Variants in DNAJA4 observed in about 807,000 individuals in gnomAD.
The protein encoded by DNAJA4 is dnaJ homolog subfamily A member 4.
In DNAJA4, 32 loss-of-function variants were observed where a neutral mutation model predicts 39.7. The ratio of observed to expected loss-of-function variants is 0.81; its 90% CI spans 0.61 to 1.08. DNAJA4 has a LOEUF of 1.08. Among genes scored for constraint, DNAJA4 ranks in the 50% least tolerant of loss-of-function variants. The pLI is 0.00. For missense variants in DNAJA4, 439 were observed against 505.1 expected (o/e 0.87, Z 1.25); for synonymous variants, 184 against 182.4 (o/e 1.01, Z -0.07).
chr15:78,275,509 G>A lies in DNAJA4; in HGVS notation c.658G>A (p.Gly220Arg). 1 of 1,613,488 alleles carries A rather than the reference G, an allele frequency of 6.2e-7. No homozygotes were observed. The highest frequency in any genetic ancestry group is 8.5e-7 in the Non-Finnish European group (1 of 1,179,454). The change falls in exon 5 of 7, where the codon GGG becomes AGG. Residue 220 changes from glycine to arginine, a missense_variant. Physicochemically the swap from Gly to Arg is moderately radical, Grantham distance 125 (BLOSUM62 -2). Coordinates refer to ENST00000394852, the MANE Select transcript of DNAJA4 (RefSeq NM_001130182.2). ...EVHVEKGMKD[G>R]QKILFHGEGD... ...ATGATGTTTCATAGGTATGAAAGAT[G>A]GGCAAAAGATACTATTTCATGGAGA...
Position 78,264,664 on chromosome 15 carries a change from G to A in DNAJA4, c.-100G>A. ...CGGCGACCGTGACCGTGACGCGCGA[G>A]CGGGCGGCGGGGGCGCGGGCCAGGG... On this transcript the variant is annotated 5_prime_UTR_variant, in exon 1 of 7. Transcript: ENST00000394852. 1 of 1,015,766 alleles carries A rather than the reference G, an allele frequency of 9.8e-7. No individual in the cohort carries two copies. Among genetic ancestry groups the A allele is most frequent in the Non-Finnish European group, 1.2e-6 (1 of 849,276 alleles). 62.9% of individuals were successfully genotyped at this position (1,015,766 alleles called of 1,614,324 possible).
rs370777948 is a variant in DNAJA4 at position 78,273,120 on chromosome 15, T to C, written c.339T>C (p.Ser113=). The C allele has an allele frequency of 2.7e-5, 44 of 1,602,228 alleles. No individual in the cohort carries two copies. The highest frequency in any genetic ancestry group is 3.7e-5 in the Non-Finnish European group (43 of 1,170,652). The change falls in exon 3 of 7, where the codon TCT becomes TCC. Residue 113 remains serine (S), a synonymous_variant. Coordinates refer to ENST00000394852, the MANE Select transcript of DNAJA4 (RefSeq NM_001130182.2). ...GCAAGAATGTTGTACACCAGTTATC[T>C]GTAACTCTTGAAGATCTATATAATG... ...RRGKNVVHQL[S]VTLEDLYNGV... is the part of the protein sequence containing the mutation.
At chr15:78,274,044 C>A in intron 3 of DNAJA4, among the ~76,000 whole-genome samples, 153 bp from the exon 4 acceptor site, 1 of 152,232 alleles carries the variant, frequency 6.6e-6, no homozygotes, top group African/African-American at 2.4e-5. Context: ...CTGGACTCCT[C>A]CAGACTCTTC....
At chr15:78,270,435 A>T in intron 1 of DNAJA4, 62 bp from the exon 2 acceptor site, 1 of 1,535,008 alleles carries the variant, frequency 6.5e-7, no homozygotes, top group Non-Finnish European at 8.9e-7. Flanking sequence ...TTTATATGGC[A>T]GGTTTGCTTA....
At chr15:78,269,014 G>A (rs1049942068) in intron 1 of DNAJA4, among the ~76,000 whole-genome samples, 13 of 152,212 alleles carry the variant, frequency 8.5e-5, no homozygotes, top group African/African-American at 2.9e-4. Context: ...TCGGGAGGCC[G>A]CACCAGGCTG....
At position 78,280,364 on chromosome 15, in the gene DNAJA4, G is replaced by T; in HGVS notation, c.1098G>T (p.Glu366Asp). The change falls in exon 7 of 7, where the codon GAG becomes GAT. Residue 366 changes from glutamate to aspartate, a missense_variant. Physicochemically the swap from Glu to Asp is conservative, Grantham distance 45. Coordinates refer to ENST00000394852, the MANE Select transcript of DNAJA4 (RefSeq NM_001130182.2). ...ACATGGATCAGGTGGAGCTGAAGGAGTTTTGTCCCAATGAGCAGAACTGGC... is the reference window on the plus strand; with the variant it reads ...ACATGGATCAGGTGGAGCTGAAGGATTTTTGTCCCAATGAGCAGAACTGGC... ...TDDMDQVELKEFCPNEQNWRQ... is the reference protein window; with the variant it reads ...TDDMDQVELKDFCPNEQNWRQ... 6.2e-7 allele frequency: 1 copy of T among 1,614,250 alleles called. No homozygotes were observed. Among genetic ancestry groups the T allele is most frequent in the Non-Finnish European group, 8.5e-7 (1 of 1,180,044 alleles).
Position 78,280,563 on chromosome 15 carries a change from C to A in DNAJA4, c.*103C>A. 2.0e-6 allele frequency: 2 copies of A among 995,116 alleles called. No homozygotes were observed. The highest frequency in any genetic ancestry group is 1.5e-6 in the Non-Finnish European group (1 of 682,280). 61.6% of individuals were successfully genotyped at this position (995,116 alleles called of 1,614,324 possible). A position where few individuals can be genotyped will look rare whatever the true frequency, so the allele number is the denominator to read the frequency against. On this transcript the variant is annotated 3_prime_UTR_variant, in exon 7 of 7. Coordinates refer to ENST00000394852, the MANE Select transcript of DNAJA4 (RefSeq NM_001130182.2). The stretch of plus-strand genomic sequence containing the variant: ...TTAATGGCCTTGTGTTTGGGATGTC[C>A]TGTGTATGTGTTCAGCATTCTTAAT...
chr15:78,269,522 G>C (rs1386556872), intron 1 of DNAJA4, among the ~76,000 whole-genome samples: 1 of 152,100 alleles, frequency 6.6e-6, no homozygotes. Flanking sequence ...ATTACTGTTG[G>C]CTAAAGATTT....
chr15:78,264,254 C>T, upstream of DNAJA4: 5 of 1,178,898 alleles, frequency 4.2e-6, no homozygotes, highest in South Asian at 1.9e-5. Flanking sequence ...GGCCTCGGGG[C>T]GGCGGGACAG....
At chr15:78,265,461 C>T in intron 1 of DNAJA4, 2 of 702,198 alleles carry the variant, frequency 2.8e-6, no homozygotes, top group South Asian at 1.5e-5. Flanking sequence ...GTGAATAATC[C>T]CATTTTCTTT....
rs2049218710 is a variant in DNAJA4 at position 78,268,928 on chromosome 15, T to G, written c.133-1569T>G. ...GGGGCTGGGAGGGTCTGAGGTGGGT[T>G]TGCAGTGTTAAAGCTGGATCACCAG... On this transcript the variant is annotated intron_variant, in intron 1 of 6. Transcript: ENST00000394852. Among the ~76,000 whole-genome samples, 4 of 152,288 alleles carry G rather than the reference T, an allele frequency of 2.6e-5. No homozygotes were observed. The South Asian group carries it at 8.3e-4, about 32-fold the overall frequency.
At chr15:78,272,308 G>T (rs1951796688) in intron 2 of DNAJA4, among the ~76,000 whole-genome samples, 1 of 152,196 alleles carries the variant, frequency 6.6e-6, no homozygotes, top group African/African-American at 2.4e-5. Flanking sequence ...CTGCACTCCA[G>T]CCTGGGGACA....
rs1384589101 is a variant in DNAJA4, at chr15:78,270,575, G to A, written c.211G>A (p.Ala71Thr). Residue 71 changes from alanine to threonine, a missense_variant, in exon 2 of 7, where the codon GCA (alanine) becomes ACA (threonine). By Grantham distance (58) the Ala-to-Thr change is moderately conservative. Transcript: ENST00000394852. ...RDVYDQGGEQ[A>T]IKEGGSGSPS... Reference sequence around the variant, plus strand: ...TGTTTATGACCAAGGCGGAGAGCAGGCAATTAAAGAAGGAGGCTCAGGCAG... The same window carrying A: ...TGTTTATGACCAAGGCGGAGAGCAGACAATTAAAGAAGGAGGCTCAGGCAG... 3 of 1,614,058 alleles carry A rather than the reference G, an allele frequency of 1.9e-6. No individual in the cohort carries two copies. Among genetic ancestry groups the A allele is most frequent in the Non-Finnish European group, 2.5e-6 (3 of 1,180,042 alleles).
chr15:78,271,591 C>T (rs765895214), intron 2 of DNAJA4, among the ~76,000 whole-genome samples: 4 of 152,240 alleles, frequency 2.6e-5, no homozygotes, highest in Non-Finnish European at 5.9e-5. Context: ...ACTTCATCCC[C>T]AGGAGGTGAA....
At chr15:78,270,166 C>T (rs2049254231) in intron 1 of DNAJA4, 1 of 202,270 alleles carries the variant, frequency 4.9e-6, no homozygotes, top group Non-Finnish European at 1.0e-5. Context: ...GAGGTTCACC[C>T]CTGGCACTGT....
chr15:78,264,661 C>T lies in DNAJA4; in HGVS notation c.-103C>T, dbSNP rs2049067205. 22 of 1,016,320 alleles carry T rather than the reference C, an allele frequency of 2.2e-5. No homozygotes were observed. In the South Asian group the frequency reaches 8.1e-4, roughly 37 times the overall value. 63.0% of individuals were successfully genotyped at this position (1,016,320 alleles called of 1,614,324 possible). A position where few individuals can be genotyped will look rare whatever the true frequency, so the allele number is the denominator to read the frequency against. On this transcript the variant is annotated 5_prime_UTR_variant, in exon 1 of 7. Coordinates refer to ENST00000394852, the MANE Select transcript of DNAJA4 (RefSeq NM_001130182.2). ...CGGCGGCGACCGTGACCGTGACGCGCGAGCGGGCGGCGGGGGCGCGGGCCA... is the reference window on the plus strand; with the variant it reads ...CGGCGGCGACCGTGACCGTGACGCGTGAGCGGGCGGCGGGGGCGCGGGCCA...
chr15:78,277,031 A>C (rs1595928079), intron 5 of DNAJA4, among the ~76,000 whole-genome samples: 1 of 152,216 alleles, frequency 6.6e-6, no homozygotes, highest in African/African-American at 2.4e-5. Context: ...TGGAGTTTTA[A>C]AATAAACTTA....
chr15:78,266,078 T>C (rs1240340046), intron 1 of DNAJA4: 1 of 641,114 alleles, frequency 1.6e-6, no homozygotes, highest in Non-Finnish European at 2.7e-6. Flanking sequence ...CTTTCTCATC[T>C]ATATTTAGAT....
At chr15:78,272,716 A>G (rs1013598284) in intron 2 of DNAJA4, among the ~76,000 whole-genome samples, 5 of 152,246 alleles carry the variant, frequency 3.3e-5, no homozygotes, top group Admixed American at 2.6e-4. Flanking sequence ...CCAAACATTT[A>G]TGTATAGAAA....
Sources: allele counts gnomAD v4.1 joint callset (sites outside exome capture counted in the v4.1 genomes callset), GRCh38; gene constraint gnomAD v4.1.1; transcripts MANE v1.5; gene names NCBI Gene and HGNC (gene_info 2026-07-23, HGNC 2026-07-21).